The following LRRK1 variants were observed in gnomAD, a reference collection of about 807,000 sequenced individuals.
The protein encoded by LRRK1 is leucine rich repeat kinase 1.
In LRRK1, 113 loss-of-function variants were observed where a neutral mutation model predicts 209.1. That is an observed-to-expected ratio of 0.54 (90% CI 0.46 to 0.63). The LOEUF is 0.63. Among genes scored for constraint, LRRK1 ranks in the 30% least tolerant of loss-of-function variants. The pLI is 0.00. For synonymous variants in LRRK1, 1,144 were observed against 1,099.7 expected, an observed-to-expected ratio of 1.04 and a Z score of -0.80; for missense variants, 2,284 against 2,632.2, an observed-to-expected ratio of 0.87 and a Z score of 2.89.
rs1384933502 is a variant in LRRK1 at position 101,027,545 on chromosome 15, C to A, written c.2527-93C>A. ...AAGATAGTGGGTGGAAACGTCCCAC[C>A]CCCTCAGGCCACAGGGGCCGGGCAG... On this transcript the variant is annotated intron_variant, in intron 18 of 33. Transcript: ENST00000388948. The surrounding 1 kb of genome is among the most constrained non-coding windows in gnomAD (Gnocchi z 5.1). The A allele has an allele frequency of 2.6e-6, 4 of 1,517,170 alleles. No homozygotes were observed. The highest frequency in any genetic ancestry group is 2.4e-5 in the East Asian group (1 of 41,854). The allele number at this position is 1,517,170 out of a possible 1,614,324, so 94.0% of individuals were successfully genotyped here. A position where few individuals can be genotyped will look rare whatever the true frequency, so the allele number is the denominator to read the frequency against.
Position 101,046,010 on chromosome 15 carries a change from A to T in LRRK1, c.2993A>T (p.Lys998Ile), listed in dbSNP as rs2035055947. 1 of 1,613,936 alleles carries T rather than the reference A, an allele frequency of 6.2e-7. No homozygotes were observed. The highest frequency in any genetic ancestry group is 8.5e-7 in the Non-Finnish European group (1 of 1,180,018). ...SYLLPHLLPS[K>I]PGLDTHGMRH... ...CTCCTGCCCCATCTCCTTCCATCTAAACCTGGCCTGGACACCCACGGTATG... is the reference window on the plus strand; with the variant it reads ...CTCCTGCCCCATCTCCTTCCATCTATACCTGGCCTGGACACCCACGGTATG... Residue 998 changes from lysine to isoleucine, a missense_variant, in exon 21 of 34, where the codon AAA becomes ATA. Lys to Ile is a moderately radical substitution (Grantham distance 102). Around this residue, in one of 6 missense-constraint regions of LRRK1, gnomAD observed 780 missense variants for 985.2 expected, o/e 0.79. Transcript: ENST00000388948.
At chr15:101,016,007 T>G (rs1437387802) in intron 12 of LRRK1, among the ~76,000 whole-genome samples, 4 of 151,084 alleles carry the variant, frequency 2.6e-5, no homozygotes, top group Non-Finnish European at 5.9e-5. Context: ...TTTTTTTCTT[T>G]GAGACTGAGT....
In LRRK1 at chr15:100,974,805, C is replaced by G. The variant is rs555781911; in HGVS notation, c.261+838C>G. ...TGCCAAGCTGTTTTCCAAAAATCTTCTACAGATTAACCCTCCCAGCAAAAG... is the reference window on the plus strand; with the variant it reads ...TGCCAAGCTGTTTTCCAAAAATCTTGTACAGATTAACCCTCCCAGCAAAAG... On this transcript the variant is annotated intron_variant, in intron 3 of 33. Transcript: ENST00000388948. Among the ~76,000 whole-genome samples the G allele has an allele frequency of 3.5e-4, 53 of 152,348 alleles. No homozygotes were observed. The South Asian group carries it at 0.011, about 30-fold the overall frequency.
At chr15:100,977,601 C>A (rs894811794) in intron 3 of LRRK1, among the ~76,000 whole-genome samples, 2 of 152,142 alleles carry the variant, frequency 1.3e-5, no homozygotes, top group Non-Finnish European at 2.9e-5. Flanking sequence ...TAGAGGAGAA[C>A]CTGAAGTCCC....
intron 20 of LRRK1, among the ~76,000 whole-genome samples, chr15:101,031,587 A>C (rs1411000788): frequency 1.8e-4 from 28 of 152,118 alleles, no homozygotes. Context: ...GTCTTTTTGG[A>C]GACACATGTT....
Position 101,065,683 on chromosome 15 carries a change from A to G in LRRK1, c.5246A>G (p.Glu1749Gly). The part of the protein sequence containing the change: ...VVCSSEGRGE[E>G]VVWCLDDKAN... The stretch of plus-strand genomic sequence containing the variant: ...TGCAGCTCTGAGGGCAGAGGGGAGG[A>G]GGTCGTCTGGTGCCTGGATGACAAG... The change falls in exon 32 of 34, where the codon GAG becomes GGG. Residue 1749 changes from glutamate (E) to glycine (G), a missense_variant. By Grantham distance (98) the Glu-to-Gly change is moderately conservative. This residue lies in a region of LRRK1 where 643 missense variants were observed against 695.9 expected (regional missense o/e 0.92). Coordinates refer to ENST00000388948, the MANE Select transcript of LRRK1 (RefSeq NM_024652.6). The G allele has an allele frequency of 6.2e-7, 1 of 1,613,996 alleles. No individual in the cohort carries two copies. The highest frequency in any genetic ancestry group is 8.5e-7 in the Non-Finnish European group (1 of 1,180,006).
chr15:100,940,082 G>T (rs2042372940), intron 2 of LRRK1, among the ~76,000 whole-genome samples: 1 of 152,156 alleles, frequency 6.6e-6, no homozygotes, highest in South Asian at 2.1e-4. Context: ...TGCCCCGGAT[G>T]CACGATGCAC....
intron 2 of LRRK1, among the ~76,000 whole-genome samples, chr15:100,950,505 T>C (rs1364282459): frequency 6.6e-6 from 1 of 152,096 alleles, no homozygotes; most frequent in Non-Finnish European, 1.5e-5. Flanking sequence ...AATATTCAAA[T>C]AAAATACAAG....
At chr15:100,946,234 T>C (rs1295542113) in intron 2 of LRRK1, among the ~76,000 whole-genome samples, 1 of 152,010 alleles carries the variant, frequency 6.6e-6, no homozygotes, top group Non-Finnish European at 1.5e-5. Flanking sequence ...TTTTGGAACA[T>C]GGAAAAAGTA....
At position 101,072,936 on chromosome 15, in the gene LRRK1, C is replaced by A. The variant is rs1024169599; in HGVS notation, c.*4088C>A. 7 of 145,354 alleles carry A rather than the reference C, an allele frequency of 4.8e-5. No homozygotes were observed. The highest frequency in any genetic ancestry group is 1.8e-4 in the African/African-American group (7 of 38,708). 9.0% of individuals were successfully genotyped at this position (145,354 alleles called of 1,614,324 possible). On this transcript the variant is annotated 3_prime_UTR_variant, in exon 34 of 34. Transcript: ENST00000388948. The stretch of plus-strand genomic sequence containing the variant: ...ACATGGACGTGCATTAAATTTGGTG[C>A]CGTAACTGGCGCGGGGGGAGGGGGG...
At chr15:101,067,590 G>T (rs2036609232) in intron 33 of LRRK1, among the ~76,000 whole-genome samples, 1 of 152,160 alleles carries the variant, frequency 6.6e-6, no homozygotes, top group African/African-American at 2.4e-5. Context: ...CAGTCAGCTT[G>T]CTTCTCCCAA....
chr15:100,919,856 G>A lies in LRRK1; in HGVS notation c.-123+405G>A, dbSNP rs1031025363. On this transcript the variant is annotated intron_variant, in intron 1 of 33. Coordinates refer to ENST00000388948, the MANE Select transcript of LRRK1 (RefSeq NM_024652.6). This position sits in a 1 kb window ranked among gnomAD's most constrained non-coding sequence, Gnocchi z 5.8. ...CATAGGTTTCCTCTGCCTTTGGAGCGAACCCAGTCCCTTAGCGGGGAGCGG... is the reference window on the plus strand; with the variant it reads ...CATAGGTTTCCTCTGCCTTTGGAGCAAACCCAGTCCCTTAGCGGGGAGCGG... Among the ~76,000 whole-genome samples the A allele has an allele frequency of 2.9e-4, 44 of 152,078 alleles. No individual in the cohort carries two copies. The highest frequency in any genetic ancestry group is 1.1e-3 in the African/African-American group (44 of 41,414).
chr15:100,988,698 G>A lies in LRRK1; in HGVS notation c.498G>A (p.Leu166=), dbSNP rs199710239. The A allele has an allele frequency of 2.5e-6, 4 of 1,614,038 alleles. No individual in the cohort carries two copies. The African/African-American group carries it at 4.0e-5, about 16-fold the overall frequency. ...CCTTGGCTTGCCAGCGAGGGCACCT[G>A]GGGGTTGTGAAGCTCCTGGTCCTGA... ...MLALACQRGH[L]GVVKLLVLTH... The change falls in exon 5 of 34, where the codon CTG becomes CTA. Residue 166 remains leucine (L), a synonymous_variant. Transcript: ENST00000388948.
At chr15:101,035,340 C>T (rs1057213789) in intron 20 of LRRK1, among the ~76,000 whole-genome samples, 1 of 151,910 alleles carries the variant, frequency 6.6e-6, no homozygotes, top group Non-Finnish European at 1.5e-5. Flanking sequence ...CTGGGTGCTC[C>T]AATGTTGGGT....
At chr15:100,949,856 T>G (rs1227317172) in intron 2 of LRRK1, among the ~76,000 whole-genome samples, 2 of 152,022 alleles carry the variant, frequency 1.3e-5, no homozygotes, top group Admixed American at 1.3e-4. Flanking sequence ...AGAAGGAAAC[T>G]TCCTCAATCT....
chr15:101,049,903 G>A (rs1415140128), intron 23 of LRRK1, 120 bp downstream of exon 23: 2 of 1,163,972 alleles, frequency 1.7e-6, no homozygotes, highest in East Asian at 2.6e-5. Flanking sequence ...AGAAAACTAG[G>A]GGGTCTTAAC....
chr15:101,016,496 T>C (rs2033545691), intron 12 of LRRK1, among the ~76,000 whole-genome samples: 1 of 150,072 alleles, frequency 6.7e-6, no homozygotes, highest in Non-Finnish European at 1.5e-5. Context: ...CCTCTTCTTA[T>C]AAGAATGTTA....
rs1567231906 is a variant in LRRK1, at chr15:101,012,641, TGCCCAGGCC to T, written c.1419+497_1419+505del. On this transcript the variant is annotated intron_variant, in intron 10 of 33. Coordinates refer to ENST00000388948, the MANE Select transcript of LRRK1 (RefSeq NM_024652.6). ...CCCTGTAGTGGACCCCCAGGCAGAG[TGCCCAGGCC>T]ACCCTGCACAGGCTTCAGCCCCCGG... Among the ~76,000 whole-genome samples, 4 of 29,098 alleles carry T rather than the reference TGCCCAGGCC, an allele frequency of 1.4e-4. No homozygotes were observed. The Non-Finnish European group carries it at 1.4e-3, about 11-fold the overall frequency. The allele number at this position is 29,098 out of a possible 152,430, so 19.1% of individuals were successfully genotyped here. A position where few individuals can be genotyped will look rare whatever the true frequency, so the allele number is the denominator to read the frequency against.
At chr15:100,956,450 T>TTTTTATTTTTC in intron 2 of LRRK1, among the ~76,000 whole-genome samples, 1 of 64,640 alleles carries the variant, frequency 1.5e-5, no homozygotes, top group Non-Finnish European at 2.7e-5. Flanking sequence ...TTTCCTTTTT[T>TTTTTATTTTTC]TTTTCTTTTT....
Sources: allele counts gnomAD v4.1 joint callset (sites outside exome capture counted in the v4.1 genomes callset), GRCh38; gene constraint gnomAD v4.1.1; regional missense constraint gnomAD v4.1.1; non-coding constraint Gnocchi (gnomAD v3.1); transcripts MANE v1.5; gene names NCBI Gene and HGNC (gene_info 2026-07-23, HGNC 2026-07-21).